The following TMOD4 variants were observed in gnomAD, a reference collection of about 807,000 sequenced individuals.
TMOD4 encodes the protein tropomodulin 4.
Under a neutral mutation model 45.4 loss-of-function variants are expected in TMOD4, and 34 were observed. That is an observed-to-expected ratio of 0.75 (90% CI 0.57 to 1.00). The LOEUF (loss-of-function observed/expected upper bound fraction) is 1.00, where lower values mean the gene tolerates loss of function less well. Ranked by LOEUF, TMOD4 falls within the 50% of genes least tolerant of loss-of-function variation. The probability of loss-of-function intolerance (pLI) is 0.00; values close to 1 mark genes in which losing one functional copy is unlikely to be tolerated. For missense variants in TMOD4, 399 were observed against 437.5 expected (o/e 0.91, Z 0.78); for synonymous variants, 131 against 153.9 (o/e 0.85, Z 1.10).
intron 7 of TMOD4, 152 bp from the exon 8 acceptor site, chr1:151,171,215 T>C (rs1683942873): frequency 2.1e-6 from 2 of 955,750 alleles, no homozygotes; most frequent in East Asian, 2.4e-5. Flanking sequence ...GCAGGGCGGA[T>C]AGCAGGGGAA....
At chr1:151,173,347 T>C (rs1488907084) in intron 4 of TMOD4, 152 bp downstream of exon 4, 3 of 648,040 alleles carry the variant, frequency 4.6e-6, no homozygotes, top group Middle Eastern at 4.3e-4. Context: ...AATGAATAAA[T>C]ATATAAACAA....
In TMOD4 at chr1:151,171,740, T is replaced by G; in HGVS notation, c.511A>C (p.Lys171Gln). The G allele has an allele frequency of 6.2e-7, 1 of 1,614,106 alleles. No individual in the cohort carries two copies. Among genetic ancestry groups the G allele is most frequent in the Non-Finnish European group, 8.5e-7 (1 of 1,180,020 alleles). Reference sequence around the variant, plus strand: ...TTTGGGGGTTCATCCGGCACTGGCTTATACTTGTCAGGCTGTACCACACCT... The same window carrying G: ...TTTGGGGGTTCATCCGGCACTGGCTGATACTTGTCAGGCTGTACCACACCT... ...ISSVVQPDKY[K>Q]PVPDEPPNPT... is the part of the protein sequence containing the mutation. The change falls in exon 6 of 10, where the codon AAG (lysine) becomes CAG (glutamine). Residue 171 changes from lysine to glutamine, a missense_variant. Physicochemically the swap from Lys to Gln is moderately conservative, Grantham distance 53 (BLOSUM62 1). Transcript: ENST00000295314.
Position 151,172,257 on chromosome 1 carries a change from A to G in TMOD4, c.487+11T>C. On this transcript the variant is annotated intron_variant, in intron 5 of 9. Coordinates refer to ENST00000295314, the MANE Select transcript of TMOD4 (RefSeq NM_013353.3). The stretch of plus-strand genomic sequence containing the variant: ...AGAGCCCTGGGGACCATGCTCCCCA[A>G]ACACACTCACTGCTAATGCCTTCAG... The G allele has an allele frequency of 6.2e-7, 1 of 1,610,358 alleles. No individual in the cohort carries two copies. Among genetic ancestry groups the G allele is most frequent in the East Asian group, 2.2e-5 (1 of 44,846 alleles).
At position 151,171,673 on chromosome 1, in the gene TMOD4, T is replaced by C. The variant is rs199965373; in HGVS notation, c.578A>G (p.Asn193Ser). ...GTTCACCTCCTCCAGCTCCTTGTCATTGCTTCGGACCCTCTTTAGTATCTC... is the reference window on the plus strand; with the variant it reads ...GTTCACCTCCTCCAGCTCCTTGTCACTGCTTCGGACCCTCTTTAGTATCTC... ...IEEILKRVRS[N>S]DKELEEVNLN... Residue 193 changes from asparagine to serine, a missense_variant, in exon 6 of 10, where the codon AAT becomes AGT. Asn to Ser is a conservative substitution (Grantham distance 46). Transcript: ENST00000295314. 8 of 1,614,002 alleles carry C rather than the reference T, an allele frequency of 5.0e-6. No individual in the cohort carries two copies. The highest frequency in any genetic ancestry group is 6.8e-6 in the Non-Finnish European group (8 of 1,180,022).
intron 8 of TMOD4, 49 bp downstream of exon 8, chr1:151,170,871 G>A: frequency 6.3e-7 from 1 of 1,598,858 alleles, no homozygotes; most frequent in Non-Finnish European, 8.5e-7. Flanking sequence ...GGCTCAGGGA[G>A]GAGACTCAAT....
chr1:151,174,075 G>T (rs940627766), intron 3 of TMOD4, among the ~76,000 whole-genome samples: 5 of 152,154 alleles, frequency 3.3e-5, no homozygotes, highest in Non-Finnish European at 7.3e-5. Context: ...AATTAGCCGG[G>T]CGTGGTGGTG....
intron 1 of TMOD4, chr1:151,175,370 G>C (rs1684070409): frequency 6.5e-6 from 1 of 153,748 alleles, no homozygotes; most frequent in Non-Finnish European, 1.4e-5. Context: ...TCCTAAACCG[G>C]ATAAAAAAAC....
chr1:151,174,766 T>C lies in TMOD4; in HGVS notation c.110A>G (p.Glu37Gly). Reference protein sequence around the residue: ...ELEQLDCELQEMDPENMLLPA... With the variant: ...ELEQLDCELQGMDPENMLLPA... ...TGGAGCCCCTACCTCAGGATCCATC[T>C]CCTGTAGTTCGCAGTCCAGCTGCTC... Residue 37 changes from glutamate (E) to glycine (G), a missense_variant, in exon 2 of 10, where the codon GAG (glutamate) becomes GGG (glycine). Physicochemically the swap from Glu to Gly is moderately conservative, Grantham distance 98. Transcript: ENST00000295314. 4 of 1,613,928 alleles carry C rather than the reference T, an allele frequency of 2.5e-6. No individual in the cohort carries two copies. Among genetic ancestry groups the C allele is most frequent in the Non-Finnish European group, 3.4e-6 (4 of 1,180,024 alleles).
At chr1:151,174,954 G>T in intron 1 of TMOD4, 37 bp from the exon 2 acceptor site, 1 of 1,565,024 alleles carries the variant, frequency 6.4e-7, no homozygotes, top group Non-Finnish European at 8.8e-7. Context: ...ACAATGGTAA[G>T]ATGGACAGGG....
intron 1 of TMOD4, chr1:151,175,322 G>A: frequency 6.4e-6 from 1 of 156,626 alleles, no homozygotes; most frequent in Non-Finnish European, 1.4e-5. Flanking sequence ...GAGAGCTTCA[G>A]GGAAATTCCT....
At chr1:151,172,704 C>A (rs1174662444) in intron 4 of TMOD4, among the ~76,000 whole-genome samples, 1 of 152,198 alleles carries the variant, frequency 6.6e-6, no homozygotes, top group African/African-American at 2.4e-5. Context: ...GCGATCTTGG[C>A]TCACTGCCAC....
intron 3 of TMOD4, among the ~76,000 whole-genome samples, chr1:151,174,003 C>T (rs901827210): frequency 5.3e-5 from 8 of 152,108 alleles, no homozygotes; most frequent in Non-Finnish European, 1.2e-4. Flanking sequence ...ATCACGAGGT[C>T]AGGAGATCGA....
intron 4 of TMOD4, among the ~76,000 whole-genome samples, 176 bp downstream of exon 4, chr1:151,173,323 T>A (rs1040576100): frequency 2.0e-5 from 3 of 152,146 alleles, no homozygotes. Context: ...TCTTGAGGTG[T>A]TATTAAATTT....
In TMOD4 at chr1:151,174,512, G is replaced by C; in HGVS notation, c.159C>G (p.Asp53Glu). 6.2e-7 allele frequency: 1 copy of C among 1,614,178 alleles called. No homozygotes were observed. The highest frequency in any genetic ancestry group is 1.3e-5 in the African/African-American group (1 of 75,064). ...MLLPAGLRQR[D>E]QTKKSPTGPL... ...GCCCCGTTGGGCTCTTCTTTGTCTG[G>C]TCACGTTGTCTTAGTCCAGCTGGCA... The change falls in exon 3 of 10, where the codon GAC (aspartate) becomes GAG (glutamate). Residue 53 changes from aspartate (D) to glutamate (E), a missense_variant. Transcript: ENST00000295314.
chr1:151,171,030 G>A lies in TMOD4; in HGVS notation c.760C>T (p.Leu254Phe). 6.2e-7 allele frequency: 1 copy of A among 1,614,148 alleles called. No individual in the cohort carries two copies. Among genetic ancestry groups the A allele is most frequent in the African/African-American group, 1.3e-5 (1 of 75,020 alleles). Residue 254 changes from leucine to phenylalanine, a missense_variant, in exon 8 of 10, where the codon CTC becomes TTC. Transcript: ENST00000295314. Reference sequence around the variant, plus strand: ...TTGGATTCGATGTTTAGGCTCTGGAGGCTACGATTCTCACGCAACATGTCA... The same window carrying A: ...TTGGATTCGATGTTTAGGCTCTGGAAGCTACGATTCTCACGCAACATGTCA... Reference protein sequence around the residue: ...VADMLRENRSLQSLNIESNFI... With the variant: ...VADMLRENRSFQSLNIESNFI...
Position 151,173,589 on chromosome 1 carries a change from C to T in TMOD4, c.307G>A (p.Glu103Lys), listed in dbSNP as rs1684018698. The T allele has an allele frequency of 6.2e-7, 1 of 1,614,188 alleles. No individual in the cohort carries two copies. Among genetic ancestry groups the T allele is most frequent in the Non-Finnish European group, 8.5e-7 (1 of 1,180,020 alleles). ...GTGATCTGCTCCTCTGCTGGGATTT[C>T]CCTCTTGGGCTGAATATAGGGTTTC... is the stretch of plus-strand genomic sequence containing the variant. ...KGKPYIQPKREIPAEEQITLE... is the reference protein window; with the variant it reads ...KGKPYIQPKRKIPAEEQITLE... The change falls in exon 4 of 10, where the codon GAA becomes AAA. Residue 103 changes from glutamate (E) to lysine (K), a missense_variant. Glu to Lys is a moderately conservative substitution (Grantham distance 56). Coordinates refer to ENST00000295314, the MANE Select transcript of TMOD4 (RefSeq NM_013353.3).
At chr1:151,173,373 A>G in intron 4 of TMOD4, 126 bp downstream of exon 4, 1 of 703,728 alleles carries the variant, frequency 1.4e-6, no homozygotes, top group Non-Finnish European at 2.5e-6. Context: ...AAAAGCTTGA[A>G]ACTACTGCTT....
intron 4 of TMOD4, among the ~76,000 whole-genome samples, chr1:151,173,112 C>T (rs1684008291): frequency 1.3e-5 from 2 of 152,104 alleles, no homozygotes; most frequent in Non-Finnish European, 2.9e-5. Flanking sequence ...TGAGCCACCG[C>T]ACCCGGCCAG....
intron 8 of TMOD4, 55 bp from the exon 9 acceptor site, chr1:151,170,718 C>T: frequency 5.6e-6 from 9 of 1,604,586 alleles, no homozygotes; most frequent in Non-Finnish European, 7.7e-6. Context: ...TGTTTACCAT[C>T]CCACATCACA....
Sources: allele counts gnomAD v4.1 joint callset (sites outside exome capture counted in the v4.1 genomes callset), GRCh38; gene constraint gnomAD v4.1.1; transcripts MANE v1.5; gene names NCBI Gene and HGNC (gene_info 2026-07-23, HGNC 2026-07-21).